RALGPS1: variants seen among roughly 807,000 people sequenced by gnomAD.
RALGPS1 encodes ras-specific guanine nucleotide-releasing factor RalGPS1.
In RALGPS1, 19 loss-of-function variants were observed where a neutral mutation model predicts 78.8. That is an observed-to-expected ratio of 0.24 (90% CI 0.17 to 0.35). RALGPS1 has a LOEUF of 0.35. Among genes scored for constraint, RALGPS1 ranks in the 10% least tolerant of loss-of-function variants. The pLI is 1.00. For synonymous variants in RALGPS1, 228 were observed against 256.3 expected (o/e 0.89, Z 1.06); for missense variants, 454 against 688.3 (o/e 0.66, Z 3.81).
At chr9:127,210,496 G>A (rs1051425485) in intron 14 of RALGPS1, 39 of 590,834 alleles carry the variant, frequency 6.6e-5, no homozygotes, top group Non-Finnish European at 1.1e-4. Context: ...ACTCTGAGGG[G>A]TGCTGTGTTT....
At chr9:126,968,622 C>G (rs2039770212) in intron 3 of RALGPS1, among the ~76,000 whole-genome samples, 1 of 152,188 alleles carries the variant, frequency 6.6e-6, no homozygotes, top group Admixed American at 6.5e-5. Flanking sequence ...CGAGTCAACA[C>G]TTAGAGAAGA....
intron 8 of RALGPS1, among the ~76,000 whole-genome samples, chr9:127,152,160 A>G (rs1001835984): frequency 6.6e-6 from 1 of 152,118 alleles, no homozygotes; most frequent in Non-Finnish European, 1.5e-5. Context: ...ACTGTATTCA[A>G]AAGAAAAGCT....
chr9:126,963,552 CTGAG>C (rs1453537624), intron 2 of RALGPS1, among the ~76,000 whole-genome samples: 1 of 152,184 alleles, frequency 6.6e-6, no homozygotes, highest in East Asian at 1.9e-4. Context: ...ATTTTGATGA[CTGAG>C]TGATACATTT....
intron 7 of RALGPS1, among the ~76,000 whole-genome samples, chr9:127,063,694 T>C (rs2049415870): frequency 6.6e-6 from 1 of 152,216 alleles, no homozygotes; most frequent in Admixed American, 6.5e-5. Context: ...AGTTCATTTA[T>C]ATTAGTTCTT....
intron 4 of RALGPS1, among the ~76,000 whole-genome samples, chr9:127,013,669 C>T (rs2044559941): frequency 6.6e-6 from 1 of 152,202 alleles, no homozygotes; most frequent in African/African-American, 2.4e-5. Flanking sequence ...CTGTCCACAT[C>T]CCTGAGCCTC....
intron 1 of RALGPS1, among the ~76,000 whole-genome samples, chr9:126,920,032 G>A (rs1040660330): frequency 2.6e-5 from 4 of 152,080 alleles, no homozygotes; most frequent in African/African-American, 9.7e-5. Context: ...TTCATTCTGT[G>A]TGTACCTGGA....
chr9:127,081,805 T>C (rs2051198850), intron 8 of RALGPS1, among the ~76,000 whole-genome samples: 1 of 152,132 alleles, frequency 6.6e-6, no homozygotes, highest in Non-Finnish European at 1.5e-5. Context: ...TTTATTAATA[T>C]CATGACCATC....
intron 4 of RALGPS1, among the ~76,000 whole-genome samples, chr9:127,025,263 A>G (rs2045868054): frequency 6.6e-6 from 1 of 152,228 alleles, no homozygotes; most frequent in Non-Finnish European, 1.5e-5. Flanking sequence ...ATTGGATTAT[A>G]TGGCTGTACC....
At chr9:126,997,416 A>G (rs569109898) in intron 4 of RALGPS1, among the ~76,000 whole-genome samples, 1 of 152,354 alleles carries the variant, frequency 6.6e-6, no homozygotes, top group East Asian at 1.9e-4. Flanking sequence ...ACTCCCATTC[A>G]CAATTGCTTC....
At chr9:127,167,795 G>T (rs549915616) in intron 9 of RALGPS1, among the ~76,000 whole-genome samples, 3 of 152,208 alleles carry the variant, frequency 2.0e-5, no homozygotes, top group African/African-American at 7.2e-5. Context: ...CCTCTTTTCT[G>T]TTCCTCTTCA....
At position 127,218,497 on chromosome 9, in the gene RALGPS1, G is replaced by A. The variant is rs2062689113; in HGVS notation, c.1645-243G>A. On this transcript the variant is annotated intron_variant, in intron 18 of 18. Transcript: ENST00000259351. The surrounding 1 kb of genome is among the most constrained non-coding windows in gnomAD (Gnocchi z 4.4). ...TCTTTGTAATGAGGACGATCCCAGT[G>A]CCTGCCCCAGGGGTTGAAGTGAGGA... is the stretch of plus-strand genomic sequence containing the variant. Among the ~76,000 whole-genome samples the A allele has an allele frequency of 1.3e-5, 2 of 152,218 alleles. No homozygotes were observed. Among genetic ancestry groups the A allele is most frequent in the South Asian group, 4.1e-4 (2 of 4,832 alleles).
chr9:126,976,110 A>G (rs1031880060), intron 3 of RALGPS1, among the ~76,000 whole-genome samples: 1 of 152,166 alleles, frequency 6.6e-6, no homozygotes, highest in Admixed American at 6.5e-5. Context: ...TATTCTTAAT[A>G]CAAGGGTTTT....
chr9:127,082,417 T>G (rs908610159), intron 8 of RALGPS1, among the ~76,000 whole-genome samples: 6 of 147,500 alleles, frequency 4.1e-5, no homozygotes, highest in African/African-American at 9.7e-5. Flanking sequence ...TCCTGACATC[T>G]AGGGACCTTC....
At chr9:127,195,833 TCCTA>T (rs376282526) in intron 12 of RALGPS1, among the ~76,000 whole-genome samples, 8 of 151,550 alleles carry the variant, frequency 5.3e-5, no homozygotes, top group Admixed American at 1.3e-4. Flanking sequence ...CTTCCTTCTT[TCCTA>T]CCTACCTACC....
chr9:127,060,359 G>C (rs1326005378), intron 7 of RALGPS1, among the ~76,000 whole-genome samples: 2 of 152,190 alleles, frequency 1.3e-5, no homozygotes, highest in East Asian at 1.9e-4. Context: ...CAAGAAATGA[G>C]GGGCATGGAG....
intron 1 of RALGPS1, among the ~76,000 whole-genome samples, chr9:126,936,837 C>T (rs921256701): frequency 3.3e-5 from 5 of 149,810 alleles, no homozygotes; most frequent in Non-Finnish European, 7.4e-5. Flanking sequence ...GTGCAGGGAA[C>T]AGGAACGGCA....
chr9:127,155,223 G>GT (rs2058646355), intron 8 of RALGPS1, among the ~76,000 whole-genome samples: 1 of 152,154 alleles, frequency 6.6e-6, no homozygotes, highest in African/African-American at 2.4e-5. Flanking sequence ...TCAACATGGG[G>GT]TCCATTCATT....
chr9:127,176,941 C>T (rs1588352219), intron 11 of RALGPS1, among the ~76,000 whole-genome samples: 1 of 152,326 alleles, frequency 6.6e-6, no homozygotes, highest in South Asian at 2.1e-4. Flanking sequence ...CCAGGCCCCT[C>T]GCTCAAGCCT....
Position 126,982,921 on chromosome 9 carries a change from TCTTCTTC to T in RALGPS1, c.216+5177_216+5183del, listed in dbSNP as rs1305237754. 8.7e-3 allele frequency among the ~76,000 whole-genome samples: 767 copies of T among 88,138 alleles called. 8 individuals carry two copies. Among genetic ancestry groups the T allele is most frequent in the East Asian group, 0.045 (88 of 1,972 alleles). 57.8% of individuals were successfully genotyped at this position (88,138 alleles called of 152,430 possible). A position where few individuals can be genotyped will look rare whatever the true frequency, so the allele number is the denominator to read the frequency against. On this transcript the variant is annotated intron_variant, in intron 4 of 18. Coordinates refer to ENST00000259351, the MANE Select transcript of RALGPS1 (RefSeq NM_014636.3). ...CTTCTTTTCTTCTTCTTCTTCTTCTTCTTCTTCTTTTTTTTTTTTTTTTTTTTTTTTT... is the reference window on the plus strand; with the variant it reads ...CTTCTTTTCTTCTTCTTCTTCTTCTTTTTTTTTTTTTTTTTTTTTTTTTTT...
Sources: allele counts gnomAD v4.1 joint callset (sites outside exome capture counted in the v4.1 genomes callset), GRCh38; gene constraint gnomAD v4.1.1; non-coding constraint Gnocchi (gnomAD v3.1); transcripts MANE v1.5; gene names NCBI Gene and HGNC (gene_info 2026-07-23, HGNC 2026-07-21).